The following PRKAG2 variants were observed in gnomAD, a reference collection of about 807,000 sequenced individuals.
The protein encoded by PRKAG2 is protein kinase AMP-activated non-catalytic subunit gamma 2, also known as 5'-AMP-activated protein kinase subunit gamma-2.
Under a neutral mutation model 69.6 loss-of-function variants are expected in PRKAG2, and 26 were observed. The ratio of observed to expected loss-of-function variants is 0.37; its 90% CI spans 0.27 to 0.52. The LOEUF (loss-of-function observed/expected upper bound fraction) is 0.52. Among genes scored for constraint, PRKAG2 ranks in the 20% least tolerant of loss-of-function variants. The probability of loss-of-function intolerance (pLI) is 0.90; values close to 1 mark genes in which losing one functional copy is unlikely to be tolerated. For synonymous variants in PRKAG2, 293 were observed against 285.0 expected (o/e 1.03, Z -0.28); for missense variants, 557 against 740.0 (o/e 0.75, Z 2.87).
intron 1 of PRKAG2, among the ~76,000 whole-genome samples, chr7:151,873,750 C>T (rs1156393367): frequency 6.6e-6 from 1 of 152,198 alleles, no homozygotes; most frequent in Non-Finnish European, 1.5e-5. Flanking sequence ...TCAACGTTCA[C>T]GGCCTGGCCT....
In PRKAG2 at chr7:151,807,281, G is replaced by A. The variant is rs1196288817; in HGVS notation, c.115-20740C>T. On this transcript the variant is annotated intron_variant, in intron 1 of 15. Coordinates refer to ENST00000287878, the MANE Select transcript of PRKAG2 (RefSeq NM_016203.4). This position sits in a 1 kb window ranked among gnomAD's most constrained non-coding sequence, Gnocchi z 4.4. ...GCCAGTCAGCCACCAGCAGACCCATGGGATAGGGGAAGAAAAACAAGCAAT... is the reference window on the plus strand; with the variant it reads ...GCCAGTCAGCCACCAGCAGACCCATAGGATAGGGGAAGAAAAACAAGCAAT... 6.6e-5 allele frequency: 26 copies of A among 395,752 alleles called. No individual in the cohort carries two copies. The highest frequency in any genetic ancestry group is 6.6e-4 in the Admixed American group (24 of 36,640). 24.5% of individuals were successfully genotyped at this position (395,752 alleles called of 1,614,324 possible).
chr7:151,795,450 C>G (rs1255844362), intron 1 of PRKAG2, among the ~76,000 whole-genome samples: 3 of 152,150 alleles, frequency 2.0e-5, no homozygotes, highest in Non-Finnish European at 4.4e-5. Context: ...AGCCAGGGGG[C>G]AGGGGAGGGG....
intron 3 of PRKAG2, among the ~76,000 whole-genome samples, chr7:151,686,250 C>T (rs1339153839): frequency 2.6e-5 from 4 of 152,172 alleles, no homozygotes; most frequent in African/African-American, 9.7e-5. Context: ...CCCCAGGTGA[C>T]GCGGGTGGTT....
intron 3 of PRKAG2, among the ~76,000 whole-genome samples, chr7:151,681,782 AATCAAACTGGGGT>A (rs1833923957): frequency 6.6e-6 from 1 of 152,110 alleles, no homozygotes. Flanking sequence ...TTTCTGCCAC[AATCAAACTGGGGT>A]ATCACCGAGA....
intron 6 of PRKAG2, among the ~76,000 whole-genome samples, chr7:151,589,872 T>C (rs950290883): frequency 2.0e-5 from 3 of 152,030 alleles, no homozygotes; most frequent in Non-Finnish European, 4.4e-5. Context: ...GAGGCAGAGG[T>C]TGCAGTGAGC....
At chr7:151,609,568 C>T (rs1818280428) in intron 5 of PRKAG2, among the ~76,000 whole-genome samples, 1 of 152,098 alleles carries the variant, frequency 6.6e-6, no homozygotes, top group Non-Finnish European at 1.5e-5. Flanking sequence ...CACTACTAAC[C>T]AGACAGTTAC....
chr7:151,815,123 G>A (rs1720432171), intron 1 of PRKAG2, among the ~76,000 whole-genome samples: 2 of 152,062 alleles, frequency 1.3e-5, no homozygotes, highest in Admixed American at 1.3e-4. Flanking sequence ...TTCCCCTCTG[G>A]CCAGAAGGAT....
intron 9 of PRKAG2, among the ~76,000 whole-genome samples, chr7:151,571,881 C>T (rs1267220250): frequency 6.6e-6 from 1 of 152,170 alleles, no homozygotes; most frequent in Non-Finnish European, 1.5e-5. Context: ...AAACACAGAA[C>T]CAAACTCTTC....
chr7:151,870,150 T>C (rs1308717335), intron 1 of PRKAG2, among the ~76,000 whole-genome samples: 3 of 128,058 alleles, frequency 2.3e-5, no homozygotes, highest in African/African-American at 8.4e-5. Flanking sequence ...GATAGATAGA[T>C]AGATAGGCAG....
intron 5 of PRKAG2, among the ~76,000 whole-genome samples, chr7:151,630,004 C>T (rs960853322): frequency 6.6e-6 from 1 of 152,174 alleles, no homozygotes; most frequent in Non-Finnish European, 1.5e-5. Context: ...GACTACCACG[C>T]CAACACTGTT....
intron 4 of PRKAG2, among the ~76,000 whole-genome samples, chr7:151,669,737 C>G (rs548965606): frequency 6.6e-6 from 1 of 152,198 alleles, no homozygotes; most frequent in African/African-American, 2.4e-5. Flanking sequence ...TACACACACA[C>G]CTGTGCACAC....
At chr7:151,659,359 G>T (rs1829965219) in intron 4 of PRKAG2, among the ~76,000 whole-genome samples, 1 of 152,156 alleles carries the variant, frequency 6.6e-6, no homozygotes, top group Non-Finnish European at 1.5e-5. Context: ...GGAGTCCATG[G>T]CATGTCCACC....
Position 151,675,475 on chromosome 7 carries a change from T to TGGAA in PRKAG2, c.625_628dup (p.Gln210LeufsTer64). 1 of 1,614,090 alleles carries TGGAA rather than the reference T, an allele frequency of 6.2e-7. No individual in the cohort carries two copies. The highest frequency in any genetic ancestry group is 8.5e-7 in the Non-Finnish European group (1 of 1,180,010). ...TGCCAGTGGAGGCCTGGTCGGGCTCTGGAAGGAAGACGGGCAGAACCTCTG... is the reference window on the plus strand; with the variant it reads ...TGCCAGTGGAGGCCTGGTCGGGCTCTGGAAGGAAGGAAGACGGGCAGAACCTCTG... On this transcript the variant is annotated frameshift_variant, in exon 4 of 16. Transcript: ENST00000287878. LOFTEE classifies it high-confidence loss of function.
intron 3 of PRKAG2, among the ~76,000 whole-genome samples, chr7:151,725,762 A>G (rs982526138): frequency 2.0e-5 from 3 of 152,112 alleles, no homozygotes; most frequent in African/African-American, 7.2e-5. Flanking sequence ...CGGGGCCCCC[A>G]GGGCTGCACA....
chr7:151,585,854 T>C (rs963045326), intron 6 of PRKAG2, among the ~76,000 whole-genome samples: 3 of 152,080 alleles, frequency 2.0e-5, no homozygotes, highest in African/African-American at 7.2e-5. Flanking sequence ...GGAGCAGAAG[T>C]ACAGGAAGGG....
chr7:151,750,818 T>C (rs1206748270), intron 3 of PRKAG2, among the ~76,000 whole-genome samples: 1 of 151,532 alleles, frequency 6.6e-6, no homozygotes, highest in African/African-American at 2.4e-5. Flanking sequence ...GAGGCAGAGG[T>C]TGCAGTGAGC....
At chr7:151,809,199 AGAGGG>A in intron 1 of PRKAG2, 1 of 456,392 alleles carries the variant, frequency 2.2e-6, no homozygotes, top group African/African-American at 2.0e-5. Flanking sequence ...GCAAATCCCA[AGAGGG>A]GTGAGTGGGC....
At chr7:151,713,201 AG>A (rs1333603582) in intron 3 of PRKAG2, among the ~76,000 whole-genome samples, 1 of 152,228 alleles carries the variant, frequency 6.6e-6, no homozygotes, top group African/African-American at 2.4e-5. Context: ...AGGAATTCTG[AG>A]CCTGACATCT....
intron 3 of PRKAG2, among the ~76,000 whole-genome samples, chr7:151,727,512 G>A (rs965229433): frequency 1.4e-4 from 22 of 152,220 alleles, no homozygotes; most frequent in African/African-American, 1.9e-4. Context: ...GGAAACTGAG[G>A]CTGATCACCC....
Sources: gnomAD v4.1 joint callset for allele counts (sites outside exome capture counted in the v4.1 genomes callset) on GRCh38, gnomAD v4.1.1 for gene constraint, Gnocchi (gnomAD v3.1) non-coding constraint, MANE v1.5 for transcripts, NCBI Gene and HGNC (gene_info 2026-07-23, HGNC 2026-07-21) for gene names.